The following KLHL1 variants were observed in gnomAD, a reference collection of about 807,000 sequenced individuals.
KLHL1 encodes the protein kelch like family member 1, also known as kelch-like protein 1.
In KLHL1, 47 loss-of-function variants were observed where a neutral mutation model predicts 77.7. The observed-to-expected ratio is 0.60, with a 90% CI of 0.48 to 0.77. The LOEUF (loss-of-function observed/expected upper bound fraction) is 0.77, where lower values mean the gene tolerates loss of function less well. Ranked by LOEUF, KLHL1 falls within the 30% of genes least tolerant of loss-of-function variation. The pLI is 0.00. For synonymous variants in KLHL1, 360 were observed against 325.2 expected (o/e 1.11, Z -1.15); for missense variants, 925 against 910.8 (o/e 1.02, Z -0.20).
rs71196263 is a variant in KLHL1, at chr13:69,764,929, C to CTTTTTTTT, written c.1640-24381_1640-24374dup. On this transcript the variant is annotated intron_variant, in intron 7 of 10. Coordinates refer to ENST00000377844, the MANE Select transcript of KLHL1 (RefSeq NM_020866.3). ...TCTCATGCTTTCATGTATATCTTTG[C>CTTTTTTTT]TTTTTTTTTTTTTTTTTTTTTTTTT... is the stretch of plus-strand genomic sequence containing the variant. Among the ~76,000 whole-genome samples, 258 of 39,720 alleles carry CTTTTTTTT rather than the reference C, an allele frequency of 6.5e-3. 104 individuals carry two copies. Among genetic ancestry groups the CTTTTTTTT allele is most frequent in the East Asian group, 0.014 (11 of 798 alleles). 26.1% of individuals were successfully genotyped at this position (39,720 alleles called of 152,430 possible).
At chr13:69,874,392 T>A (rs1365505705) in intron 5 of KLHL1, among the ~76,000 whole-genome samples, 1 of 152,132 alleles carries the variant, frequency 6.6e-6, no homozygotes, top group African/African-American at 2.4e-5. Context: ...CTTCTGGCCA[T>A]CCTTCTACAA....
chr13:69,787,919 C>G (rs1265047540), intron 7 of KLHL1, among the ~76,000 whole-genome samples: 1 of 152,216 alleles, frequency 6.6e-6, no homozygotes, highest in African/African-American at 2.4e-5. Context: ...CTCATCATCA[C>G]TGGCCATCAG....
At chr13:69,858,380 T>C (rs1315094882) in intron 5 of KLHL1, among the ~76,000 whole-genome samples, 1 of 152,120 alleles carries the variant, frequency 6.6e-6, no homozygotes, top group African/African-American at 2.4e-5. Flanking sequence ...GAGTTCTTTC[T>C]AATTCTTCTA....
At chr13:70,033,580 A>G (rs1886165777) in intron 1 of KLHL1, among the ~76,000 whole-genome samples, 1 of 134,228 alleles carries the variant, frequency 7.5e-6, no homozygotes, top group Non-Finnish European at 1.6e-5. Context: ...TGCTGGGATT[A>G]CAGGTGTGAG....
chr13:70,061,688 A>T (rs902961298), intron 1 of KLHL1, among the ~76,000 whole-genome samples: 2 of 152,134 alleles, frequency 1.3e-5, no homozygotes, highest in Non-Finnish European at 2.9e-5. Flanking sequence ...GCAAATATGA[A>T]GGCTTATCTC....
At chr13:70,063,379 C>T (rs955368256) in intron 1 of KLHL1, among the ~76,000 whole-genome samples, 5 of 152,078 alleles carry the variant, frequency 3.3e-5, no homozygotes, top group Admixed American at 3.3e-4. Context: ...GCAATTACAG[C>T]TTTTACAGAT....
chr13:70,075,628 G>GTA (rs1272715893), intron 1 of KLHL1, among the ~76,000 whole-genome samples: 1,670 of 59,620 alleles, frequency 0.028, 15 homozygotes, highest in Middle Eastern at 0.054. Flanking sequence ...ATATATATAT[G>GTA]TATATATATA....
chr13:69,946,421 C>T (rs1883526869), intron 3 of KLHL1, among the ~76,000 whole-genome samples: 1 of 152,026 alleles, frequency 6.6e-6, no homozygotes, highest in Admixed American at 6.6e-5. Flanking sequence ...TAGATAGAAA[C>T]ATTTTCTGAG....
chr13:69,717,527 C>T (rs1872820848), intron 9 of KLHL1, among the ~76,000 whole-genome samples: 1 of 152,070 alleles, frequency 6.6e-6, no homozygotes, highest in African/African-American at 2.4e-5. Context: ...TGTAATTTTC[C>T]AACATAAATG....
intron 4 of KLHL1, among the ~76,000 whole-genome samples, chr13:69,907,313 A>C (rs560874367): frequency 1.3e-5 from 2 of 152,196 alleles, no homozygotes; most frequent in African/African-American, 4.8e-5. Context: ...CAAATACCAC[A>C]ACCAACACTG....
chr13:69,748,517 C>T (rs1475176221), intron 7 of KLHL1, among the ~76,000 whole-genome samples: 1 of 151,914 alleles, frequency 6.6e-6, no homozygotes, highest in Non-Finnish European at 1.5e-5. Flanking sequence ...ATTATCTCCC[C>T]CTGGGTCCCT....
intron 4 of KLHL1, among the ~76,000 whole-genome samples, chr13:69,902,437 A>G (rs928957110): frequency 1.3e-5 from 2 of 152,200 alleles, no homozygotes; most frequent in African/African-American, 2.4e-5. Flanking sequence ...GAGTATTTTC[A>G]GTCAAGTGAT....
chr13:69,752,683 A>T (rs1257188186), intron 7 of KLHL1, among the ~76,000 whole-genome samples: 1 of 152,164 alleles, frequency 6.6e-6, no homozygotes, highest in East Asian at 1.9e-4. Flanking sequence ...ATCTCAGAAG[A>T]TGAGGCCACT....
intron 1 of KLHL1, among the ~76,000 whole-genome samples, chr13:70,077,618 C>T (rs1042532833): frequency 6.6e-6 from 1 of 151,854 alleles, no homozygotes; most frequent in Non-Finnish European, 1.5e-5. Flanking sequence ...AATATGGTTT[C>T]ATCAATTGTA....
At chr13:70,099,113 C>T (rs537109645) in intron 1 of KLHL1, among the ~76,000 whole-genome samples, 1 of 151,956 alleles carries the variant, frequency 6.6e-6, no homozygotes, top group East Asian at 1.9e-4. Flanking sequence ...ATTTTACTTA[C>T]ACTATTCTCT....
At chr13:70,096,691 TATC>T (rs1452632978) in intron 1 of KLHL1, among the ~76,000 whole-genome samples, 2 of 151,650 alleles carry the variant, frequency 1.3e-5, no homozygotes, top group East Asian at 1.9e-4. Flanking sequence ...TTTTCAAAAA[TATC>T]ATGTCATTTT....
intron 1 of KLHL1, among the ~76,000 whole-genome samples, chr13:70,095,951 C>T (rs1055670300): frequency 6.6e-6 from 1 of 151,818 alleles, no homozygotes; most frequent in African/African-American, 2.4e-5. Context: ...CAATATTTGT[C>T]TTTCTGTGTC....
intron 1 of KLHL1, among the ~76,000 whole-genome samples, chr13:70,100,473 G>A (rs1310557632): frequency 1.3e-5 from 2 of 151,940 alleles, no homozygotes; most frequent in Non-Finnish European, 2.9e-5. Flanking sequence ...CATTTTTACA[G>A]ATATGACAAA....
chr13:69,757,488 TTAATA>T (rs1874803273), intron 7 of KLHL1, among the ~76,000 whole-genome samples: 1 of 152,154 alleles, frequency 6.6e-6, no homozygotes, highest in Admixed American at 6.6e-5. Context: ...CCCATATAAC[TTAATA>T]TGTCAGATAT....
Sources: allele counts gnomAD v4.1 joint callset (sites outside exome capture counted in the v4.1 genomes callset), GRCh38; gene constraint gnomAD v4.1.1; transcripts MANE v1.5; gene names NCBI Gene and HGNC (gene_info 2026-07-23, HGNC 2026-07-21).